CACNA2D2: variants seen among roughly 807,000 people sequenced by gnomAD.
The protein encoded by CACNA2D2 is voltage-dependent calcium channel subunit alpha-2/delta-2.
In CACNA2D2, 48 loss-of-function variants were observed where a neutral mutation model predicts 166.4. That is an observed-to-expected ratio of 0.29 (90% confidence interval 0.23 to 0.37). The LOEUF (loss-of-function observed/expected upper bound fraction) is 0.37, where lower values mean the gene tolerates loss of function less well. Among genes scored for constraint, CACNA2D2 ranks in the 10% least tolerant of loss-of-function variants. The pLI, the probability that CACNA2D2 is intolerant of heterozygous loss-of-function variation, is 1.00. For missense variants in CACNA2D2, 1,122 were observed against 1,433.0 expected, an observed-to-expected ratio of 0.78 and a Z score of 3.50; for synonymous variants, 561 against 573.7, an observed-to-expected ratio of 0.98 and a Z score of 0.32.
chr3:50,428,533 C>T (rs1043133274), intron 3 of CACNA2D2, among the ~76,000 whole-genome samples: 7 of 152,166 alleles, frequency 4.6e-5, no homozygotes, highest in African/African-American at 1.4e-4. Context: ...AAAAGCAGGG[C>T]GGCTGTGTGC....
chr3:50,400,638 C>G (rs950268620), intron 3 of CACNA2D2, among the ~76,000 whole-genome samples: 2 of 152,228 alleles, frequency 1.3e-5, no homozygotes, highest in African/African-American at 4.8e-5. Context: ...CCGTGACTTA[C>G]GTGCTGAGGG....
rs1705198535 is a variant in CACNA2D2, at chr3:50,379,680, A to G, written c.993+45T>C. 1.9e-6 allele frequency: 3 copies of G among 1,612,142 alleles called. No individual in the cohort carries two copies. The highest frequency in any genetic ancestry group is 3.3e-5 in the Admixed American group (2 of 59,984). ...CTGGTGATGGTCACAGGAGCAGGGC[A>G]GATGGGGTGACCCATTTCACCCCGT... On this transcript the variant is annotated intron_variant, in intron 10 of 37. Coordinates refer to ENST00000424201, the MANE Select transcript of CACNA2D2 (RefSeq NM_006030.4). This position sits in a 1 kb window ranked among gnomAD's most constrained non-coding sequence, Gnocchi z 6.5.
intron 1 of CACNA2D2, among the ~76,000 whole-genome samples, chr3:50,484,660 C>T (rs1698200795): frequency 6.6e-6 from 1 of 152,104 alleles, no homozygotes; most frequent in African/African-American, 2.4e-5. Context: ...TTTGAAATTG[C>T]ACCCCCCCCA....
At chr3:50,381,276 G>A in intron 6 of CACNA2D2, 150 bp from the exon 7 acceptor site, 1 of 846,500 alleles carries the variant, frequency 1.2e-6, no homozygotes, top group East Asian at 2.5e-5. Context: ...GGCCCAGCTG[G>A]GGCTGCCCCA....
At chr3:50,491,543 G>A (rs1326485787) in intron 1 of CACNA2D2, among the ~76,000 whole-genome samples, 3 of 152,214 alleles carry the variant, frequency 2.0e-5, no homozygotes, top group Non-Finnish European at 4.4e-5. Flanking sequence ...GGGGTGAGGT[G>A]GGCATGGAGT....
chr3:50,470,917 G>A (rs1288420306), intron 2 of CACNA2D2, among the ~76,000 whole-genome samples: 2 of 152,032 alleles, frequency 1.3e-5, no homozygotes, highest in South Asian at 2.1e-4. Context: ...TTAGCCCCAC[G>A]CATCCCTGCT....
intron 2 of CACNA2D2, 76 bp from the exon 3 acceptor site, chr3:50,434,505 G>T: frequency 9.7e-7 from 1 of 1,027,500 alleles, no homozygotes; most frequent in East Asian, 2.4e-5. Flanking sequence ...ATACCCCTCT[G>T]CACAGCTCAC....
At chr3:50,493,253 G>A (rs1462578833) in intron 1 of CACNA2D2, among the ~76,000 whole-genome samples, 1 of 152,170 alleles carries the variant, frequency 6.6e-6, no homozygotes, top group African/African-American at 2.4e-5. Context: ...TCGGCTCAAG[G>A]GTAAATCCTG....
chr3:50,367,522 G>C lies in CACNA2D2; in HGVS notation c.2298-25C>G, dbSNP rs1704387016. ...CCTGGAGCACCCAAGAGGCAGACTG[G>C]TAGGTAAGGGGTGGCTTGTCGGGGA... On this transcript the variant is annotated intron_variant, in intron 26 of 37. Coordinates refer to ENST00000424201, the MANE Select transcript of CACNA2D2 (RefSeq NM_006030.4). This position sits in a 1 kb window ranked among gnomAD's most constrained non-coding sequence, Gnocchi z 6.5. 6.2e-7 allele frequency: 1 copy of C among 1,611,318 alleles called. No homozygotes were observed. The highest frequency in any genetic ancestry group is 8.5e-7 in the Non-Finnish European group (1 of 1,177,712).
intron 2 of CACNA2D2, among the ~76,000 whole-genome samples, chr3:50,461,427 T>TC (rs1433575266): frequency 2.0e-5 from 3 of 152,128 alleles, no homozygotes; most frequent in African/African-American, 7.2e-5. Context: ...CCTGTACCTG[T>TC]CCTCAGGAAG....
At position 50,379,270 on chromosome 3, in the gene CACNA2D2, A is replaced by G. The variant is rs1575602642; in HGVS notation, c.1153-71T>C. 2 of 1,474,214 alleles carry G rather than the reference A, an allele frequency of 1.4e-6. No homozygotes were observed. Among genetic ancestry groups the G allele is most frequent in the East Asian group, 2.3e-5 (1 of 43,966 alleles). The allele number at this position is 1,474,214 out of a possible 1,614,324, so 91.3% of individuals were successfully genotyped here. On this transcript the variant is annotated intron_variant, in intron 11 of 37. Transcript: ENST00000424201. The surrounding 1 kb of genome is among the most constrained non-coding windows in gnomAD (Gnocchi z 6.5). ...TCCAGGGGCAGGGCCTCCCTCCCGCAGTGGGCCTGGACCTCTGGCCCTCCT... is the reference window on the plus strand; with the variant it reads ...TCCAGGGGCAGGGCCTCCCTCCCGCGGTGGGCCTGGACCTCTGGCCCTCCT...
At chr3:50,458,652 C>G (rs1709470083) in intron 2 of CACNA2D2, among the ~76,000 whole-genome samples, 1 of 152,218 alleles carries the variant, frequency 6.6e-6, no homozygotes, top group African/African-American at 2.4e-5. Context: ...CCCAAACTCC[C>G]TGGCACGACA....
At chr3:50,385,716 C>T (rs368910436) in intron 5 of CACNA2D2, among the ~76,000 whole-genome samples, 46 of 152,340 alleles carry the variant, frequency 3.0e-4, no homozygotes, top group Non-Finnish European at 4.7e-4. Context: ...TAGAAGCCCT[C>T]GGGTGCTGGG....
chr3:50,406,231 T>C (rs1006192133), intron 3 of CACNA2D2, among the ~76,000 whole-genome samples: 1 of 151,806 alleles, frequency 6.6e-6, no homozygotes, highest in African/African-American at 2.4e-5. Flanking sequence ...AGCCTGACTC[T>C]AAAAGCTGCC....
chr3:50,380,110 C>A lies in CACNA2D2; in HGVS notation c.843-92G>T. Reference sequence around the variant, plus strand: ...ATACATATTGATTCAATACATTTCTCTTGAGCATGCACTGTGTGGGCCAGG... The same window carrying A: ...ATACATATTGATTCAATACATTTCTATTGAGCATGCACTGTGTGGGCCAGG... On this transcript the variant is annotated intron_variant, in intron 8 of 37. Transcript: ENST00000424201. This position sits in a 1 kb window ranked among gnomAD's most constrained non-coding sequence, Gnocchi z 4.9. The A allele has an allele frequency of 7.6e-7, 1 of 1,315,612 alleles. No individual in the cohort carries two copies. The highest frequency in any genetic ancestry group is 2.3e-5 in the East Asian group (1 of 42,670). 81.5% of individuals were successfully genotyped at this position (1,315,612 alleles called of 1,614,324 possible).
intron 2 of CACNA2D2, among the ~76,000 whole-genome samples, chr3:50,475,632 A>T (rs559289280): frequency 1.4e-4 from 21 of 152,214 alleles, no homozygotes; most frequent in African/African-American, 5.1e-4. Flanking sequence ...TGCCTAATCA[A>T]TCACCCCTCC....
Position 50,380,793 on chromosome 3 carries a change from C to T in CACNA2D2, c.797G>A (p.Arg266Gln), listed in dbSNP as rs1288650707. 3.9e-6 allele frequency: 6 copies of T among 1,543,928 alleles called. No homozygotes were observed. The highest frequency in any genetic ancestry group is 1.7e-4 in the Middle Eastern group (1 of 5,744). The change falls in exon 8 of 38, where the codon CGA becomes CAA. Residue 266 changes from arginine (R) to glutamine (Q), a missense_variant. Physicochemically the swap from Arg to Gln is conservative, Grantham distance 43. Coordinates refer to ENST00000424201, the MANE Select transcript of CACNA2D2 (RefSeq NM_006030.4). The surrounding 1 kb of genome is among the most constrained non-coding windows in gnomAD (Gnocchi z 4.9). ...GTACAGGTCGATCTTCTTGGGGGCT[C>T]GCCACGGGGTGGCTGAGGGAGGAGA... ...VTRYYPATPW[R>Q]APKKIDLYDV...
chr3:50,384,272 G>A lies in CACNA2D2; in HGVS notation c.576C>T (p.Ile192=), dbSNP rs753595795. ...CCTTGTTCTTGAAGTTTGGGTCCTC[G>A]ATGAAGTCCAGCCTTAGGGTGCTGG... is the stretch of plus-strand genomic sequence containing the variant. ...SKASTLRLDF[I]EDPNFKNKVN... The change falls in exon 6 of 38, where the codon ATC becomes ATT. Residue 192 remains isoleucine, a synonymous_variant. Transcript: ENST00000424201. The A allele has an allele frequency of 2.9e-5, 47 of 1,614,020 alleles. No individual in the cohort carries two copies. The highest frequency in any genetic ancestry group is 3.5e-5 in the Non-Finnish European group (41 of 1,180,010).
chr3:50,394,622 T>C (rs1575622139), intron 3 of CACNA2D2, among the ~76,000 whole-genome samples: 1 of 152,178 alleles, frequency 6.6e-6, no homozygotes, highest in East Asian at 1.9e-4. Context: ...TCCAGGCCCA[T>C]GGGCCCTCTC....
Sources: allele counts gnomAD v4.1 joint callset (sites outside exome capture counted in the v4.1 genomes callset), GRCh38; gene constraint gnomAD v4.1.1; non-coding constraint Gnocchi (gnomAD v3.1); transcripts MANE v1.5; gene names NCBI Gene and HGNC (gene_info 2026-07-23, HGNC 2026-07-21).